Variants in ATP2B2 observed in about 807,000 individuals in gnomAD.
The protein encoded by ATP2B2 is ATPase plasma membrane Ca2+ transporting 2.
A neutral mutation model predicts 120.0 loss-of-function variants in ATP2B2; 15 were observed. That is an observed-to-expected ratio of 0.12 (90% CI 0.08 to 0.19). The LOEUF (loss-of-function observed/expected upper bound fraction) is 0.19, where lower values mean the gene tolerates loss of function less well. ATP2B2 is among the 10% of genes least tolerant of loss of function. ATP2B2 has a pLI of 1.00. For missense variants in ATP2B2, 1,045 were observed against 1,719.8 expected, an observed-to-expected ratio of 0.61 and a Z score of 6.94; for synonymous variants, 694 against 700.3, an observed-to-expected ratio of 0.99 and a Z score of 0.14.
Position 10,381,539 on chromosome 3 carries a change from C to T in ATP2B2, c.1001-2255G>A, listed in dbSNP as rs560383320. Among the ~76,000 whole-genome samples, 14 of 152,270 alleles carry T rather than the reference C, an allele frequency of 9.2e-5. No homozygotes were observed. The South Asian group carries it at 1.7e-3, about 18-fold the overall frequency. On this transcript the variant is annotated intron_variant, in intron 8 of 22. Transcript: ENST00000360273. ...AGAAAAATAATCACCAATGCATATGCTGGAGGAAGGGAAGGATGTTCTGGG... is the reference window on the plus strand; with the variant it reads ...AGAAAAATAATCACCAATGCATATGTTGGAGGAAGGGAAGGATGTTCTGGG...
intron 1 of ATP2B2, among the ~76,000 whole-genome samples, chr3:10,460,914 A>G (rs1231193056): frequency 6.6e-6 from 1 of 152,130 alleles, no homozygotes; most frequent in Non-Finnish European, 1.5e-5. Flanking sequence ...GGGAGGAAAA[A>G]CTCACCCACA....
intron 1 of ATP2B2, among the ~76,000 whole-genome samples, chr3:10,465,847 C>T (rs973163388): frequency 6.6e-6 from 1 of 152,218 alleles, no homozygotes; most frequent in African/African-American, 2.4e-5. Context: ...TCTCTAGTGG[C>T]TGACCCAGAT....
At chr3:10,636,502 C>G (rs775080603) in intron 1 of ATP2B2, among the ~76,000 whole-genome samples, 3 of 152,108 alleles carry the variant, frequency 2.0e-5, no homozygotes, top group Non-Finnish European at 4.4e-5. Flanking sequence ...CATTGTTTCC[C>G]TGATTTAAAC....
chr3:10,448,612 C>A (rs2063921684), intron 2 of ATP2B2, among the ~76,000 whole-genome samples: 1 of 152,164 alleles, frequency 6.6e-6, no homozygotes. Flanking sequence ...TCAATTTTGG[C>A]AGTTGCAAGA....
upstream of ATP2B2, among the ~76,000 whole-genome samples, chr3:10,507,072 C>G (rs911565158): frequency 1.3e-5 from 2 of 152,164 alleles, no homozygotes; most frequent in African/African-American, 4.8e-5. Context: ...CCCCTTAGCC[C>G]GCAGGGTGGC....
chr3:10,410,579 G>A, intron 3 of ATP2B2, 39 bp downstream of exon 3: 1 of 1,560,084 alleles, frequency 6.4e-7, no homozygotes, highest in Non-Finnish European at 8.7e-7. Flanking sequence ...GCGGTGGCCA[G>A]GTGTGCGGGG....
intron 3 of ATP2B2, among the ~76,000 whole-genome samples, chr3:10,514,119 G>C (rs1461609549): frequency 6.6e-6 from 1 of 152,208 alleles, no homozygotes; most frequent in Non-Finnish European, 1.5e-5. Context: ...TGGAGGCACA[G>C]AGATGTCAGG....
chr3:10,611,336 G>A (rs1026866429), intron 2 of ATP2B2, among the ~76,000 whole-genome samples: 2 of 152,230 alleles, frequency 1.3e-5, no homozygotes, highest in South Asian at 4.1e-4. Flanking sequence ...CCTGGCCTGG[G>A]CATGTTTGGC....
At chr3:10,460,547 G>A (rs751381338) in intron 1 of ATP2B2, among the ~76,000 whole-genome samples, 82 of 152,298 alleles carry the variant, frequency 5.4e-4, no homozygotes, top group Non-Finnish European at 9.7e-4. Flanking sequence ...GGGTGTAGGC[G>A]CTGGGGAAGG....
At chr3:10,685,976 G>T (rs1204924643) in intron 1 of ATP2B2, among the ~76,000 whole-genome samples, 2 of 151,546 alleles carry the variant, frequency 1.3e-5, no homozygotes, top group Non-Finnish European at 2.9e-5. Flanking sequence ...TCCTCTTGGG[G>T]CTAAGCTGCA....
At chr3:10,576,915 A>T (rs544798223) in intron 2 of ATP2B2, among the ~76,000 whole-genome samples, 1 of 151,950 alleles carries the variant, frequency 6.6e-6, no homozygotes, top group African/African-American at 2.4e-5. Flanking sequence ...TTAGCCTGGT[A>T]TGGTGGCGGG....
chr3:10,485,773 C>T (rs1361969287), intron 1 of ATP2B2, among the ~76,000 whole-genome samples: 2 of 152,088 alleles, frequency 1.3e-5, no homozygotes, highest in East Asian at 1.9e-4. Context: ...TCAGGCCTGC[C>T]TTCCCGGCTC....
At position 10,379,252 on chromosome 3, in the gene ATP2B2, G is replaced by C; in HGVS notation, c.1033C>G (p.Gln345Glu). ...KMQDGNVDAS[Q>E]SKAKQQDGAA... ...AAAACAAAAGGGTTACCTTTGCTCT[G>C]GCTGGCGTCCACATTGCCATCCTGC... The change falls in exon 9 of 23, where the codon CAG (glutamine) becomes GAG (glutamate). Residue 345 changes from glutamine (Q) to glutamate (E), a missense_variant. Physicochemically the swap from Gln to Glu is conservative, Grantham distance 29. Coordinates refer to ENST00000360273, the MANE Select transcript of ATP2B2 (RefSeq NM_001001331.4). The C allele has an allele frequency of 6.2e-7, 1 of 1,613,890 alleles. No homozygotes were observed. The highest frequency in any genetic ancestry group is 8.5e-7 in the Non-Finnish European group (1 of 1,179,950).
chr3:10,542,818 G>C (rs1204481751), intron 2 of ATP2B2, among the ~76,000 whole-genome samples: 1 of 152,106 alleles, frequency 6.6e-6, no homozygotes, highest in African/African-American at 2.4e-5. Context: ...GGATTTCCTT[G>C]GGTTTAACCT....
intron 1 of ATP2B2, among the ~76,000 whole-genome samples, chr3:10,632,673 C>T (rs1575577928): frequency 2.0e-5 from 3 of 152,208 alleles, no homozygotes; most frequent in Admixed American, 2.0e-4. Flanking sequence ...GGGTCCTTTC[C>T]CCTACCCTGG....
intron 2 of ATP2B2, among the ~76,000 whole-genome samples, chr3:10,448,308 T>C (rs771922202): frequency 3.3e-5 from 5 of 152,214 alleles, no homozygotes; most frequent in Middle Eastern, 3.2e-3. Flanking sequence ...CAGGTAGGCA[T>C]TGGCCCATTT....
chr3:10,546,031 T>G (rs1179221830), intron 2 of ATP2B2, among the ~76,000 whole-genome samples: 1 of 152,216 alleles, frequency 6.6e-6, no homozygotes. Flanking sequence ...AATGTCAATG[T>G]TGGTGGGGTT....
rs116309599 is a variant in ATP2B2, at chr3:10,470,308, C to T, written c.-319-20446G>A. 7.0e-3 allele frequency among the ~76,000 whole-genome samples: 1,064 copies of T among 152,234 alleles called. 10 individuals are homozygous for T. Among genetic ancestry groups the T allele is most frequent in the African/African-American group, 0.024 (991 of 41,534 alleles). ...CAGGTGTAGGTGTTGTTTTCATGCC[C>T]ATTATATAGATGGGGAAACTGAGGC... On this transcript the variant is annotated intron_variant, in intron 1 of 22. Coordinates refer to ENST00000360273, the MANE Select transcript of ATP2B2 (RefSeq NM_001001331.4).
chr3:10,688,194 T>C (rs1257357157), intron 1 of ATP2B2, among the ~76,000 whole-genome samples: 1 of 152,162 alleles, frequency 6.6e-6, no homozygotes, highest in African/African-American at 2.4e-5. Context: ...GTCTGCCTCA[T>C]AAGGTTCCTA....
Sources: allele counts gnomAD v4.1 joint callset (sites outside exome capture counted in the v4.1 genomes callset), GRCh38; gene constraint gnomAD v4.1.1; transcripts MANE v1.5; gene names NCBI Gene and HGNC (gene_info 2026-07-23, HGNC 2026-07-21).